The following TBC1D22A variants were observed in gnomAD, a reference collection of about 807,000 sequenced individuals.
TBC1D22A encodes TBC1 domain family member 22A.
In TBC1D22A, 38 loss-of-function variants were observed where a neutral mutation model predicts 60.2. The observed-to-expected ratio is 0.63, with a 90% CI of 0.49 to 0.83. The LOEUF is 0.83. TBC1D22A is among the 40% of genes least tolerant of loss of function. TBC1D22A has a pLI of 0.00. For missense variants in TBC1D22A, 628 were observed against 701.0 expected (o/e 0.90, Z 1.18); for synonymous variants, 302 against 281.7 (o/e 1.07, Z -0.72).
intron 8 of TBC1D22A, among the ~76,000 whole-genome samples, chr22:46,964,250 G>A (rs2073688294): frequency 1.3e-5 from 2 of 152,194 alleles, no homozygotes; most frequent in East Asian, 3.9e-4. Flanking sequence ...GTTTGCAAAT[G>A]ATATAGGTAT....
chr22:46,817,626 G>A (rs2085660489), intron 4 of TBC1D22A, among the ~76,000 whole-genome samples: 1 of 152,178 alleles, frequency 6.6e-6, no homozygotes, highest in Non-Finnish European at 1.5e-5. Context: ...TGGTGTATAT[G>A]TACCACATTT....
At chr22:46,993,880 C>T (rs1023137873) in intron 9 of TBC1D22A, among the ~76,000 whole-genome samples, 3 of 152,056 alleles carry the variant, frequency 2.0e-5, no homozygotes, top group South Asian at 4.1e-4. Context: ...GCTCACCTCC[C>T]GAGCCAGGAG....
At position 47,120,326 on chromosome 22, in the gene TBC1D22A, C is replaced by G. The variant is rs532537636; in HGVS notation, c.1425+8723C>G. On this transcript the variant is annotated intron_variant, in intron 12 of 12. Coordinates refer to ENST00000337137, the MANE Select transcript of TBC1D22A (RefSeq NM_014346.5). ...ACCTAGGGAAATGCTAGAGACAGCCCCACTGAGATCAGGACGATTTCTTCT... is the reference window on the plus strand; with the variant it reads ...ACCTAGGGAAATGCTAGAGACAGCCGCACTGAGATCAGGACGATTTCTTCT... Among the ~76,000 whole-genome samples, 85 of 152,264 alleles carry G rather than the reference C, an allele frequency of 5.6e-4. 1 individual carries two copies. Among genetic ancestry groups the G allele is most frequent in the African/African-American group, 1.8e-3 (75 of 41,552 alleles).
At chr22:46,968,189 G>T (rs2148097102) in intron 8 of TBC1D22A, among the ~76,000 whole-genome samples, 1 of 152,306 alleles carries the variant, frequency 6.6e-6, no homozygotes, top group Middle Eastern at 3.4e-3. Flanking sequence ...GCACAAGGGA[G>T]GCTCCGGCAT....
intron 8 of TBC1D22A, among the ~76,000 whole-genome samples, chr22:46,925,444 C>T (rs970150018): frequency 7.2e-5 from 11 of 152,138 alleles, no homozygotes; most frequent in Non-Finnish European, 1.3e-4. Flanking sequence ...GCATTGCCCA[C>T]GACTCATATA....
At chr22:46,783,406 G>A (rs747320912) in intron 1 of TBC1D22A, among the ~76,000 whole-genome samples, 24 of 152,168 alleles carry the variant, frequency 1.6e-4, no homozygotes, top group African/African-American at 2.4e-4. Flanking sequence ...ACTAGAAAGC[G>A]TTTCAGACAT....
At chr22:47,034,867 C>A (rs781240351) in intron 10 of TBC1D22A, among the ~76,000 whole-genome samples, 1 of 152,224 alleles carries the variant, frequency 6.6e-6, no homozygotes, top group African/African-American at 2.4e-5. Context: ...CATTTTCAGT[C>A]GCTCAGAATA....
intron 12 of TBC1D22A, among the ~76,000 whole-genome samples, chr22:47,159,975 G>A (rs1217453712): frequency 7.1e-6 from 1 of 140,464 alleles, no homozygotes; most frequent in South Asian, 2.2e-4. Flanking sequence ...AAACCATACA[G>A]GTGACTCACA....
In TBC1D22A at chr22:46,936,281, G is replaced by A. The variant is rs1003631355; in HGVS notation, c.1015+24093G>A. 6.6e-5 allele frequency among the ~76,000 whole-genome samples: 10 copies of A among 151,986 alleles called. No individual in the cohort carries two copies. The East Asian group carries it at 1.6e-3, about 24-fold the overall frequency. ...GGGTCCTCCTGGGGCCAGGCTCCTC[G>A]CGGTTCTGCACGCCCTCTTCCTGGG... On this transcript the variant is annotated intron_variant, in intron 8 of 12. Transcript: ENST00000337137.
At position 46,852,808 on chromosome 22, in the gene TBC1D22A, T is replaced by A. The variant is rs542772023; in HGVS notation, c.638-25845T>A. ...GTTTCCTGGCTGCATCGCGAGCTCC[T>A]CTAGGGAGAGCTGCGCTTTGCTCAT... On this transcript the variant is annotated intron_variant, in intron 4 of 12. Coordinates refer to ENST00000337137, the MANE Select transcript of TBC1D22A (RefSeq NM_014346.5). Among the ~76,000 whole-genome samples the A allele has an allele frequency of 2.0e-5, 3 of 152,206 alleles. No homozygotes were observed. The South Asian group carries it at 6.2e-4, about 31-fold the overall frequency.
intron 12 of TBC1D22A, among the ~76,000 whole-genome samples, chr22:47,168,125 G>A (rs185197119): frequency 1.3e-4 from 20 of 152,332 alleles, no homozygotes; most frequent in Admixed American, 2.6e-4. Context: ...ACTCTGCGAC[G>A]TTCACTGCCC....
chr22:47,065,110 C>A (rs1183714561), intron 11 of TBC1D22A, among the ~76,000 whole-genome samples: 1 of 152,190 alleles, frequency 6.6e-6, no homozygotes, highest in Non-Finnish European at 1.5e-5. Context: ...CCGAGCGATT[C>A]TCAGCCTCCC....
At chr22:47,068,975 C>G (rs554665590) in intron 11 of TBC1D22A, among the ~76,000 whole-genome samples, 3 of 152,240 alleles carry the variant, frequency 2.0e-5, no homozygotes, top group South Asian at 4.1e-4. Flanking sequence ...ATTTGTGACT[C>G]TACGTTTTTT....
chr22:46,831,072 G>A (rs1235550548), intron 4 of TBC1D22A, among the ~76,000 whole-genome samples: 2 of 152,272 alleles, frequency 1.3e-5, no homozygotes, highest in Non-Finnish European at 2.9e-5. Flanking sequence ...GAGCAGATTG[G>A]GCAGGCCGAA....
chr22:47,079,084 CTTTTTT>C (rs35269996), intron 11 of TBC1D22A, among the ~76,000 whole-genome samples: 1 of 124,960 alleles, frequency 8.0e-6, no homozygotes, highest in Non-Finnish European at 1.6e-5. Context: ...GTAGAGCAGA[CTTTTTT>C]TTTTTTTTTT....
At chr22:46,796,644 T>C (rs974173639) in intron 3 of TBC1D22A, among the ~76,000 whole-genome samples, 2 of 151,582 alleles carry the variant, frequency 1.3e-5, no homozygotes, top group Non-Finnish European at 1.5e-5. Context: ...GGTCCCGGGT[T>C]GCTGGGTGGA....
At chr22:47,160,142 CCTT>C (rs2067918085) in intron 12 of TBC1D22A, among the ~76,000 whole-genome samples, 1 of 152,246 alleles carries the variant, frequency 6.6e-6, no homozygotes, top group Admixed American at 6.5e-5. Context: ...CCCCGCCGCT[CCTT>C]CTCCTTCACA....
At chr22:47,068,748 T>C (rs1188504093) in intron 11 of TBC1D22A, among the ~76,000 whole-genome samples, 1 of 152,214 alleles carries the variant, frequency 6.6e-6, no homozygotes, top group Non-Finnish European at 1.5e-5. Flanking sequence ...AGCAGTGCTA[T>C]TGTTTAGAAT....
At chr22:46,926,034 T>C (rs2071029529) in intron 8 of TBC1D22A, among the ~76,000 whole-genome samples, 2 of 152,174 alleles carry the variant, frequency 1.3e-5, no homozygotes, top group Admixed American at 6.5e-5. Flanking sequence ...AAATGACAAA[T>C]ATGTAGACAT....
Sources: gnomAD v4.1 joint callset for allele counts (sites outside exome capture counted in the v4.1 genomes callset) on GRCh38, gnomAD v4.1.1 for gene constraint, MANE v1.5 for transcripts, NCBI Gene and HGNC (gene_info 2026-07-23, HGNC 2026-07-21) for gene names.